TSHZ2: variants seen among roughly 807,000 people sequenced by gnomAD.
The protein encoded by TSHZ2 is teashirt homolog 2.
A neutral mutation model predicts 74.4 loss-of-function variants in TSHZ2; 21 were observed. That is an observed-to-expected ratio of 0.28 (90% CI 0.20 to 0.41). The LOEUF is 0.41. TSHZ2 is among the 10% of genes least tolerant of loss of function. TSHZ2 has a pLI of 1.00. For synonymous variants in TSHZ2, 540 were observed against 515.3 expected (o/e 1.05, Z -0.65); for missense variants, 1,244 against 1,293.5 (o/e 0.96, Z 0.59).
rs370108973 is a variant in TSHZ2 at position 53,254,026 on chromosome 20, A to G, written c.568A>G (p.Ser190Gly). Residue 190 changes from serine to glycine, a missense_variant, in exon 2 of 3, where the codon AGC (serine) becomes GGC (glycine). By Grantham distance (56) the Ser-to-Gly change is moderately conservative. Coordinates refer to ENST00000371497, the MANE Select transcript of TSHZ2 (RefSeq NM_173485.6). ...NLPSRSVSKP[S>G]LFSSVQLYRQ... ...GCCTTCTCGGTCCGTCTCGAAACCCAGCCTGTTCAGCTCGGTGCAGTTGTA... is the reference window on the plus strand; with the variant it reads ...GCCTTCTCGGTCCGTCTCGAAACCCGGCCTGTTCAGCTCGGTGCAGTTGTA... 3.9e-5 allele frequency: 63 copies of G among 1,613,998 alleles called. No homozygotes were observed. The highest frequency in any genetic ancestry group is 3.3e-4 in the Middle Eastern group (2 of 6,084).
At position 53,014,195 on chromosome 20, in the gene TSHZ2, C is replaced by CAGAG. The variant is rs10539599; in HGVS notation, c.40+40886_40+40889dup. 5.6e-3 allele frequency among the ~76,000 whole-genome samples: 837 copies of CAGAG among 150,032 alleles called. 2 individuals are homozygous for CAGAG. The highest frequency in any genetic ancestry group is 0.013 in the African/African-American group (519 of 40,726). On this transcript the variant is annotated intron_variant, in intron 1 of 2. Coordinates refer to ENST00000371497, the MANE Select transcript of TSHZ2 (RefSeq NM_173485.6). ...TAGAAGAAGCCATCTCTTCATACGG[C>CAGAG]AGAGAGAGAGAGAGAGAGAGAGAGA...
chr20:53,467,794 A>T lies in TSHZ2; in HGVS notation c.*9-19350A>T, dbSNP rs142776135. ...TGACTCTGAGCTTCCTGGTAGTGAAAGCAAGAATGCAAACATGATCCATCC... is the reference window on the plus strand; with the variant it reads ...TGACTCTGAGCTTCCTGGTAGTGAATGCAAGAATGCAAACATGATCCATCC... On this transcript the variant is annotated intron_variant, in intron 2 of 2. Coordinates refer to ENST00000371497, the MANE Select transcript of TSHZ2 (RefSeq NM_173485.6). 3.3e-3 allele frequency among the ~76,000 whole-genome samples: 504 copies of T among 152,318 alleles called. 3 individuals carry two copies. The highest frequency in any genetic ancestry group is 0.011 in the African/African-American group (469 of 41,572).
At chr20:53,475,320 A>G (rs1486762471) in intron 2 of TSHZ2, among the ~76,000 whole-genome samples, 1 of 105,544 alleles carries the variant, frequency 9.5e-6, no homozygotes, top group Non-Finnish European at 1.9e-5. Context: ...CTCAGACCAC[A>G]GTGCAATCAA....
At chr20:53,127,678 AG>A (rs1376813951) in intron 1 of TSHZ2, among the ~76,000 whole-genome samples, 3 of 152,256 alleles carry the variant, frequency 2.0e-5, no homozygotes, top group Non-Finnish European at 4.4e-5. Context: ...CCCACATGTC[AG>A]GCATGCACTC....
chr20:53,045,493 G>T (rs971730042), intron 1 of TSHZ2, among the ~76,000 whole-genome samples: 13 of 152,192 alleles, frequency 8.5e-5, no homozygotes, highest in Non-Finnish European at 1.8e-4. Flanking sequence ...TGTAGGAAAG[G>T]GGGCACTCAC....
At chr20:53,113,891 G>A (rs1052334822) in intron 1 of TSHZ2, among the ~76,000 whole-genome samples, 1 of 151,916 alleles carries the variant, frequency 6.6e-6, no homozygotes, top group African/African-American at 2.4e-5. Context: ...TTTTCACTCA[G>A]CAGTGGCTCT....
At chr20:53,458,503 A>G (rs910652150) in intron 2 of TSHZ2, among the ~76,000 whole-genome samples, 84 of 152,300 alleles carry the variant, frequency 5.5e-4, no homozygotes, top group African/African-American at 1.8e-3. Flanking sequence ...ATCCTTTCAA[A>G]AAACCAGCTC....
chr20:53,435,268 T>G (rs1266392969), intron 2 of TSHZ2, among the ~76,000 whole-genome samples: 1 of 152,188 alleles, frequency 6.6e-6, no homozygotes, highest in South Asian at 2.1e-4. Context: ...TGCTAATGGA[T>G]GCAAAGACAA....
intron 2 of TSHZ2, among the ~76,000 whole-genome samples, chr20:53,328,430 TTCCTGAGCTAC>T (rs1948907661): frequency 6.6e-6 from 1 of 152,330 alleles, no homozygotes; most frequent in African/African-American, 2.4e-5. Flanking sequence ...GGACTCTTTA[TTCCTGAGCTAC>T]TCACATTATA....
intron 1 of TSHZ2, among the ~76,000 whole-genome samples, chr20:53,140,786 T>C (rs1399067359): frequency 6.6e-6 from 1 of 152,146 alleles, no homozygotes; most frequent in African/African-American, 2.4e-5. Flanking sequence ...GGTTCTGATC[T>C]GTGCATCACT....
At chr20:53,023,311 G>A (rs1473294484) in intron 1 of TSHZ2, among the ~76,000 whole-genome samples, 1 of 152,178 alleles carries the variant, frequency 6.6e-6, no homozygotes, top group Non-Finnish European at 1.5e-5. Flanking sequence ...AATCTATAGA[G>A]CCTTTAACTC....
chr20:53,347,167 T>C (rs959980806), intron 2 of TSHZ2, among the ~76,000 whole-genome samples: 9 of 152,200 alleles, frequency 5.9e-5, no homozygotes, highest in African/African-American at 2.2e-4. Context: ...TTTGGCACTA[T>C]TGTCATTTGA....
chr20:53,224,642 G>A (rs1394093112), intron 1 of TSHZ2, among the ~76,000 whole-genome samples: 2 of 152,160 alleles, frequency 1.3e-5, no homozygotes, highest in African/African-American at 4.8e-5. Context: ...CTGAGGTCAG[G>A]AGTTCAAGAC....
chr20:53,125,475 C>T (rs1011026556), intron 1 of TSHZ2, among the ~76,000 whole-genome samples: 1 of 152,158 alleles, frequency 6.6e-6, no homozygotes, highest in African/African-American at 2.4e-5. Flanking sequence ...TTGCCTGGCA[C>T]ATGGCAAGCA....
intron 2 of TSHZ2, among the ~76,000 whole-genome samples, chr20:53,331,643 A>G (rs542757341): frequency 6.6e-6 from 1 of 152,302 alleles, no homozygotes; most frequent in Non-Finnish European, 1.5e-5. Context: ...GCTCAACGGA[A>G]GTCAGTCCCT....
chr20:53,300,194 G>T (rs1991454371), intron 2 of TSHZ2, among the ~76,000 whole-genome samples: 1 of 152,130 alleles, frequency 6.6e-6, no homozygotes, highest in Non-Finnish European at 1.5e-5. Context: ...CATAGGTTCT[G>T]TGGTATTGTT....
At chr20:53,314,985 C>G (rs1000470068) in intron 2 of TSHZ2, among the ~76,000 whole-genome samples, 2 of 152,108 alleles carry the variant, frequency 1.3e-5, no homozygotes, top group African/African-American at 2.4e-5. Flanking sequence ...GCTGCTAAGC[C>G]TTTAAAGGAT....
Position 52,992,095 on chromosome 20 carries a change from G to C in TSHZ2, c.40+18762G>C, listed in dbSNP as rs376246186. On this transcript the variant is annotated intron_variant, in intron 1 of 2. Coordinates refer to ENST00000371497, the MANE Select transcript of TSHZ2 (RefSeq NM_173485.6). ...CTCAATGGGAAATGTATAAGAGACAGATAGTACTGGAAGCTCCACACCCTA... is the reference window on the plus strand; with the variant it reads ...CTCAATGGGAAATGTATAAGAGACACATAGTACTGGAAGCTCCACACCCTA... 1.3e-4 allele frequency among the ~76,000 whole-genome samples: 20 copies of C among 152,330 alleles called. No individual in the cohort carries two copies. In the South Asian group the frequency reaches 4.1e-3, roughly 32 times the overall value.
rs760239505 is a variant in TSHZ2 at position 53,205,849 on chromosome 20, G to A, written c.41-47650G>A. The stretch of plus-strand genomic sequence containing the variant: ...GTTCAGATAATCCTGAGCACTGATC[G>A]TGATGCTATAACTTATGAGCTGTGA... On this transcript the variant is annotated intron_variant, in intron 1 of 2. Transcript: ENST00000371497. Among the ~76,000 whole-genome samples the A allele has an allele frequency of 1.1e-3, 160 of 152,304 alleles. No homozygotes were observed. In the Middle Eastern group the frequency reaches 0.017, roughly 16 times the overall value.
Sources: gnomAD v4.1 joint callset for allele counts (sites outside exome capture counted in the v4.1 genomes callset) on GRCh38, gnomAD v4.1.1 for gene constraint, MANE v1.5 for transcripts, NCBI Gene and HGNC (gene_info 2026-07-23, HGNC 2026-07-21) for gene names.